Variants in TAOK1 observed in about 807,000 individuals in gnomAD.
TAOK1 encodes the protein TAO kinase 1.
TAOK1 carries 21 observed loss-of-function variants against 138.3 expected under a neutral mutation model. That is an observed-to-expected ratio of 0.15 (90% confidence interval 0.11 to 0.22). The LOEUF is 0.22. TAOK1 is among the 10% of genes least tolerant of loss of function. The pLI, the probability that TAOK1 is intolerant of heterozygous loss-of-function variation, is 1.00. For missense variants in TAOK1, 651 were observed against 1,227.7 expected, an observed-to-expected ratio of 0.53 and a Z score of 7.02; for synonymous variants, 361 against 398.4, an observed-to-expected ratio of 0.91 and a Z score of 1.12.
chr17:29,413,851 G>A (rs924765410), intron 1 of TAOK1, among the ~76,000 whole-genome samples: 1 of 146,322 alleles, frequency 6.8e-6, no homozygotes, highest in African/African-American at 2.5e-5. Context: ...AAAAGGAATC[G>A]TACAATATTT....
chr17:29,517,953 G>A lies in TAOK1; in HGVS notation c.1908+297G>A, dbSNP rs182009528. Among the ~76,000 whole-genome samples, 45 of 152,072 alleles carry A rather than the reference G, an allele frequency of 3.0e-4. 2 individuals carry two copies. Among genetic ancestry groups the A allele is most frequent in the Admixed American group, 2.7e-3 (41 of 15,278 alleles). On this transcript the variant is annotated intron_variant, in intron 16 of 19. Coordinates refer to ENST00000261716, the MANE Select transcript of TAOK1 (RefSeq NM_020791.4). ...TCAGTGCAACCTCCACCTCCTGGGTGCAAGTGATTTTCGTGCCTCAGCCTC... is the reference window on the plus strand; with the variant it reads ...TCAGTGCAACCTCCACCTCCTGGGTACAAGTGATTTTCGTGCCTCAGCCTC...
intron 11 of TAOK1, 145 bp from the exon 12 acceptor site, chr17:29,498,173 C>A: frequency 1.4e-6 from 1 of 732,986 alleles, no homozygotes; most frequent in Non-Finnish European, 2.2e-6. Context: ...ACTTCCTGGT[C>A]TTGGAAAATA....
intron 8 of TAOK1, among the ~76,000 whole-genome samples, chr17:29,487,714 AATGAT>A (rs2031202859): frequency 6.6e-6 from 1 of 152,228 alleles, no homozygotes; most frequent in Admixed American, 6.5e-5. Context: ...CATCAAAATA[AATGAT>A]ATAACTTATT....
intron 1 of TAOK1, among the ~76,000 whole-genome samples, chr17:29,399,266 A>G (rs913435647): frequency 6.6e-6 from 1 of 151,462 alleles, no homozygotes; most frequent in Non-Finnish European, 1.5e-5. Flanking sequence ...GGAGAGTCTA[A>G]TATTTAAGGA....
intron 8 of TAOK1, among the ~76,000 whole-genome samples, chr17:29,488,881 G>T (rs527275721): frequency 6.6e-6 from 1 of 151,966 alleles, no homozygotes; most frequent in South Asian, 2.1e-4. Context: ...AAATCAGTGC[G>T]GATATTAAAA....
intron 19 of TAOK1, among the ~76,000 whole-genome samples, chr17:29,535,159 A>G (rs991125717): frequency 6.6e-6 from 1 of 152,002 alleles, no homozygotes; most frequent in Middle Eastern, 3.4e-3. Flanking sequence ...AAATATTTAA[A>G]AATTAGCTGA....
chr17:29,401,721 C>A (rs1232600681), intron 1 of TAOK1, among the ~76,000 whole-genome samples: 1 of 151,772 alleles, frequency 6.6e-6, no homozygotes, highest in African/African-American at 2.4e-5. Context: ...GTGGGGTGAT[C>A]ATGGCTTGCT....
intron 1 of TAOK1, among the ~76,000 whole-genome samples, chr17:29,437,751 T>TTC (rs397962905): frequency 6.7e-6 from 1 of 149,390 alleles, no homozygotes; most frequent in African/African-American, 2.5e-5. Context: ...TTTTTTTTTT[T>TTC]GAGATGGAGT....
At chr17:29,518,636 G>A (rs1038821910) in intron 16 of TAOK1, among the ~76,000 whole-genome samples, 2 of 152,142 alleles carry the variant, frequency 1.3e-5, no homozygotes, top group African/African-American at 4.8e-5. Flanking sequence ...TGAAATCACG[G>A]AATTGATGCA....
At chr17:29,456,583 G>A (rs2030382637) in intron 2 of TAOK1, among the ~76,000 whole-genome samples, 1 of 150,374 alleles carries the variant, frequency 6.7e-6, no homozygotes, top group African/African-American at 2.5e-5. Flanking sequence ...TTCAGATTTT[G>A]GATTTTCAGA....
In TAOK1 at chr17:29,457,096, T is replaced by C. The variant is rs961390484; in HGVS notation, c.132+5416T>C. Among the ~76,000 whole-genome samples, 392 of 89,266 alleles carry C rather than the reference T, an allele frequency of 4.4e-3. 26 individuals carry two copies. Among genetic ancestry groups the C allele is most frequent in the African/African-American group, 0.013 (304 of 23,640 alleles). 58.6% of individuals were successfully genotyped at this position (89,266 alleles called of 152,430 possible). The stretch of plus-strand genomic sequence containing the variant: ...TTCTCTTTTTTTCTTTTTCTTTTTT[T>C]TTTTTTTTTTTTTTTGAGACAGAGT... On this transcript the variant is annotated intron_variant, in intron 2 of 19. Transcript: ENST00000261716.
chr17:29,429,699 C>A (rs1415971403), intron 1 of TAOK1, among the ~76,000 whole-genome samples: 1 of 152,166 alleles, frequency 6.6e-6, no homozygotes, highest in East Asian at 1.9e-4. Context: ...ACATCCTTTT[C>A]CTGTTTCAGG....
intron 3 of TAOK1, among the ~76,000 whole-genome samples, chr17:29,474,304 C>G (rs2030895972): frequency 6.6e-6 from 1 of 152,194 alleles, no homozygotes; most frequent in Non-Finnish European, 1.5e-5. Context: ...TGGAGTAGCA[C>G]TTTAAATTTT....
intron 1 of TAOK1, among the ~76,000 whole-genome samples, chr17:29,428,615 A>G (rs887136703): frequency 6.6e-6 from 1 of 152,050 alleles, no homozygotes; most frequent in African/African-American, 2.4e-5. Context: ...TAATTATTTT[A>G]AAACAGTTGT....
At chr17:29,489,850 A>G in intron 9 of TAOK1, 93 bp downstream of exon 9, 1 of 809,620 alleles carries the variant, frequency 1.2e-6, no homozygotes, top group Non-Finnish European at 1.9e-6. Context: ...TCAGTTAGGT[A>G]AAATGTATCA....
At chr17:29,401,563 C>G (rs1157245056) in intron 1 of TAOK1, among the ~76,000 whole-genome samples, 1 of 152,184 alleles carries the variant, frequency 6.6e-6, no homozygotes, top group East Asian at 1.9e-4. Flanking sequence ...ATGATCCAAT[C>G]ATTTCCACCA....
At chr17:29,422,038 C>T (rs1324387387) in intron 1 of TAOK1, among the ~76,000 whole-genome samples, 2 of 151,836 alleles carry the variant, frequency 1.3e-5, no homozygotes, top group African/African-American at 4.8e-5. Flanking sequence ...GCTGGGACTA[C>T]AGGCGCCTGC....
chr17:29,427,349 C>G lies in TAOK1; in HGVS notation c.-94-24106C>G, dbSNP rs1005235379. Among the ~76,000 whole-genome samples, 5 of 151,956 alleles carry G rather than the reference C, an allele frequency of 3.3e-5. No individual in the cohort carries two copies. The East Asian group carries it at 9.7e-4, about 29-fold the overall frequency. ...GTGGCTCACGCCTGTAATCCTAGCA[C>G]TTTGGGAGGCTAAGGCGGGTGGATC... On this transcript the variant is annotated intron_variant, in intron 1 of 19. Transcript: ENST00000261716.
Position 29,478,260 on chromosome 17 carries a change from A to C in TAOK1, c.362A>C (p.Lys121Thr). 1 of 1,592,934 alleles carries C rather than the reference A, an allele frequency of 6.3e-7. No homozygotes were observed. Among genetic ancestry groups the C allele is most frequent in the Non-Finnish European group, 8.5e-7 (1 of 1,172,510 alleles). ...TGAAATAAATTTTAAGTTCACAAAA[A>C]GCCATTACAAGAAGTGGAAATAGCA... ...SASDLLEVHK[K>T]PLQEVEIAAI... The change falls in exon 6 of 20, where the codon AAG becomes ACG. Residue 121 changes from lysine to threonine, a missense_variant. Transcript: ENST00000261716.
Sources: allele counts gnomAD v4.1 joint callset (sites outside exome capture counted in the v4.1 genomes callset), GRCh38; gene constraint gnomAD v4.1.1; transcripts MANE v1.5; gene names NCBI Gene and HGNC (gene_info 2026-07-23, HGNC 2026-07-21).